KANK1: variants seen among roughly 807,000 people sequenced by gnomAD.
KANK1 encodes KN motif and ankyrin repeat domains 1, also known as KN motif and ankyrin repeat domain-containing protein 1.
A neutral mutation model predicts 106.2 loss-of-function variants in KANK1; 109 were observed. The observed-to-expected ratio is 1.03, with a 90% CI of 0.88 to 1.20. KANK1 has a LOEUF of 1.20. KANK1 is among the 50% of genes most tolerant of loss of function. KANK1 has a pLI of 0.00. For synonymous variants in KANK1, 873 were observed against 652.2 expected (o/e 1.34, Z -5.16); for missense variants, 2,399 against 1,710.7 (o/e 1.40, Z -7.10).
At chr9:550,564 G>A (rs756738163) in intron 1 of KANK1, among the ~76,000 whole-genome samples, 10 of 152,186 alleles carry the variant, frequency 6.6e-5, no homozygotes, top group Admixed American at 3.3e-4. Flanking sequence ...GAGTTATCGC[G>A]CCACTGCACT....
Position 583,382 on chromosome 9 carries a change from T to A in KANK1, c.-84+78628T>A, listed in dbSNP as rs114358293. 2.3e-3 allele frequency among the ~76,000 whole-genome samples: 355 copies of A among 152,308 alleles called. 2 individuals carry two copies. Among genetic ancestry groups the A allele is most frequent in the African/African-American group, 8.1e-3 (337 of 41,572 alleles). ...CCTCAGTAAGTAGCAGCAATTTTGC[T>A]TTTGTTTTTATGATGATTACTTCCA... is the stretch of plus-strand genomic sequence containing the variant. On this transcript the variant is annotated intron_variant, in intron 1 of 11. Coordinates refer to ENST00000382297, the MANE Select transcript of KANK1 (RefSeq NM_015158.5).
intron 2 of KANK1, among the ~76,000 whole-genome samples, chr9:703,946 T>G (rs1823353323): frequency 6.6e-6 from 1 of 152,176 alleles, no homozygotes; most frequent in South Asian, 2.1e-4. Context: ...ACTCCTGACC[T>G]CAGGCAATCT....
intron 2 of KANK1, chr9:707,196 C>G (rs980428153): frequency 1.3e-5 from 13 of 985,878 alleles, no homozygotes; most frequent in Non-Finnish European, 1.6e-5. Flanking sequence ...TGAGCTGGAG[C>G]GAGCTGTGCG....
At chr9:677,190 C>G (rs1302982752) in intron 2 of KANK1, among the ~76,000 whole-genome samples, 181 bp downstream of exon 2, 1 of 152,154 alleles carries the variant, frequency 6.6e-6, no homozygotes, top group Non-Finnish European at 1.5e-5. Context: ...TTGCTTTTAT[C>G]TTAGAGTCTT....
chr9:680,381 C>T (rs115397928), intron 2 of KANK1, among the ~76,000 whole-genome samples: 19,948 of 152,090 alleles, frequency 0.13, 1,576 homozygotes, highest in Admixed American at 0.17. Flanking sequence ...CTGACTTCCC[C>T]TTGGAGTCCC....
At chr9:541,012 A>G (rs1031114195) in intron 1 of KANK1, among the ~76,000 whole-genome samples, 2 of 152,118 alleles carry the variant, frequency 1.3e-5, no homozygotes, top group African/African-American at 4.8e-5. Context: ...CTTGAGGTGT[A>G]AAGTTAAGTG....
At chr9:731,390 C>G (rs559697255) in intron 5 of KANK1, 124 bp downstream of exon 5, 1 of 556,206 alleles carries the variant, frequency 1.8e-6, no homozygotes, top group Non-Finnish European at 3.3e-6. Context: ...ATTCCCTCCT[C>G]AGAAAGGCAG....
chr9:594,437 G>A (rs1012542467), intron 1 of KANK1, among the ~76,000 whole-genome samples: 1 of 151,722 alleles, frequency 6.6e-6, no homozygotes, highest in African/African-American at 2.4e-5. Flanking sequence ...CCAGAAGGAT[G>A]GATGATTAAA....
intron 3 of KANK1, among the ~76,000 whole-genome samples, chr9:720,431 A>G (rs763906713): frequency 6.6e-6 from 1 of 152,190 alleles, no homozygotes; most frequent in Non-Finnish European, 1.5e-5. Context: ...CATAGCCCCT[A>G]ACTGCCAAGC....
At chr9:667,421 A>T (rs1296689005) in intron 1 of KANK1, among the ~76,000 whole-genome samples, 2 of 150,452 alleles carry the variant, frequency 1.3e-5, no homozygotes, top group Admixed American at 6.6e-5. Context: ...TTTTGCTCTG[A>T]TCTTTATTAT....
chr9:572,132 T>G (rs7861777), intron 1 of KANK1, among the ~76,000 whole-genome samples: 1 of 149,934 alleles, frequency 6.7e-6, no homozygotes, highest in African/African-American at 2.5e-5. Flanking sequence ...TCTTAACTTA[T>G]GGTTGTAATA....
chr9:703,386 T>C (rs973329805), intron 2 of KANK1, among the ~76,000 whole-genome samples: 2 of 152,124 alleles, frequency 1.3e-5, no homozygotes, highest in African/African-American at 4.8e-5. Flanking sequence ...ATTTTATTTC[T>C]TAAAAATTTT....
chr9:744,705 T>TTTA, intron 11 of KANK1, 116 bp downstream of exon 11: 2 of 1,585,502 alleles, frequency 1.3e-6, no homozygotes, highest in Non-Finnish European at 1.7e-6. Context: ...AAATGGAAGT[T>TTTA]TTAGTCTGGA....
intron 1 of KANK1, among the ~76,000 whole-genome samples, chr9:598,271 A>C (rs1030558185): frequency 6.6e-6 from 1 of 151,746 alleles, no homozygotes; most frequent in Non-Finnish European, 1.5e-5. Context: ...GTAGCTTTGT[A>C]GTAAGTTTTG....
At chr9:633,528 C>A (rs1836328855) in intron 1 of KANK1, among the ~76,000 whole-genome samples, 1 of 152,160 alleles carries the variant, frequency 6.6e-6, no homozygotes, top group Non-Finnish European at 1.5e-5. Context: ...CAGTGCTACC[C>A]CTTCTCCCAA....
intron 1 of KANK1, among the ~76,000 whole-genome samples, chr9:602,098 TAGAAA>T (rs1438497586): frequency 6.6e-6 from 1 of 151,912 alleles, no homozygotes; most frequent in Non-Finnish European, 1.5e-5. Flanking sequence ...ACATACCCTG[TAGAAA>T]AATAGGTTCT....
intron 1 of KANK1, among the ~76,000 whole-genome samples, chr9:528,574 TG>T (rs1173198600): frequency 7.0e-6 from 1 of 142,922 alleles, no homozygotes; most frequent in African/African-American, 2.5e-5. Flanking sequence ...CTCTGCCTTC[TG>T]GGTTGAAGGT....
At position 584,257 on chromosome 9, in the gene KANK1, TATC is replaced by T. The variant is rs200387605; in HGVS notation, c.-84+79506_-84+79508del. 7.2e-3 allele frequency among the ~76,000 whole-genome samples: 1,102 copies of T among 152,174 alleles called. 17 individuals are homozygous for T. Among genetic ancestry groups the T allele is most frequent in the African/African-American group, 0.024 (988 of 41,578 alleles). On this transcript the variant is annotated intron_variant, in intron 1 of 11. Transcript: ENST00000382297. ...AGTGGGAAAAACAAGTTACAAGTAA[TATC>T]ATATGATTTACTTTTAGTGAAACTT...
At chr9:508,428 T>G (rs2058874407) in intron 1 of KANK1, among the ~76,000 whole-genome samples, 1 of 152,210 alleles carries the variant, frequency 6.6e-6, no homozygotes, top group African/African-American at 2.4e-5. Flanking sequence ...TGAGCCACTG[T>G]GCCCAGCCTG....
Sources: gnomAD v4.1 joint callset for allele counts (sites outside exome capture counted in the v4.1 genomes callset) on GRCh38, gnomAD v4.1.1 for gene constraint, MANE v1.5 for transcripts, NCBI Gene and HGNC (gene_info 2026-07-23, HGNC 2026-07-21) for gene names.